The following PBX1 variants were observed in gnomAD, a reference collection of about 807,000 sequenced individuals.
The protein encoded by PBX1 is pre-B-cell leukemia transcription factor 1.
In PBX1, 6 loss-of-function variants were observed where a neutral mutation model predicts 53.4. That is an observed-to-expected ratio of 0.11 (90% CI 0.06 to 0.22). The LOEUF is 0.22. PBX1 is among the 10% of genes least tolerant of loss of function. PBX1 has a pLI of 1.00. For synonymous variants in PBX1, 204 were observed against 212.3 expected (o/e 0.96, Z 0.34); for missense variants, 251 against 551.4 (o/e 0.46, Z 5.46).
intron 2 of PBX1, among the ~76,000 whole-genome samples, chr1:164,868,313 A>G (rs1012024421): frequency 3.3e-5 from 5 of 152,150 alleles, no homozygotes; most frequent in African/African-American, 1.2e-4. Context: ...ACCCCTGACC[A>G]TGCTGTACAT....
intron 2 of PBX1, among the ~76,000 whole-genome samples, chr1:164,588,168 CAG>C (rs1282445900): frequency 6.6e-6 from 1 of 152,082 alleles, no homozygotes; most frequent in Non-Finnish European, 1.5e-5. Flanking sequence ...CAGATGCGGT[CAG>C]AGAGGTTCAC....
chr1:164,789,532 C>T (rs1342294792), intron 2 of PBX1, among the ~76,000 whole-genome samples: 6 of 152,174 alleles, frequency 3.9e-5, no homozygotes, highest in Admixed American at 2.6e-4. Context: ...ATGAATGAGG[C>T]CGCTTGGGGT....
intron 1 of PBX1, among the ~76,000 whole-genome samples, chr1:164,561,713 G>C (rs953624239): frequency 6.6e-6 from 1 of 152,080 alleles, no homozygotes; most frequent in Non-Finnish European, 1.5e-5. Context: ...AGGGCTTGGC[G>C]ACTTCCCCCT....
intron 4 of PBX1, among the ~76,000 whole-genome samples, chr1:164,806,844 G>A (rs1418960754): frequency 6.6e-6 from 1 of 152,198 alleles, no homozygotes; most frequent in African/African-American, 2.4e-5. Flanking sequence ...GCTGAGTGCT[G>A]TCTTTGTGTG....
chr1:164,705,640 A>T (rs1305636901), intron 2 of PBX1, among the ~76,000 whole-genome samples: 1 of 152,224 alleles, frequency 6.6e-6, no homozygotes. Context: ...TTTCACATGC[A>T]TATGCAGAAA....
intron 2 of PBX1, among the ~76,000 whole-genome samples, chr1:164,671,126 G>T (rs188444021): frequency 1.3e-5 from 2 of 151,892 alleles, no homozygotes; most frequent in Non-Finnish European, 2.9e-5. Flanking sequence ...CAGTTATTCT[G>T]CACCGACAGA....
At chr1:164,717,650 C>T (rs564561820) in intron 2 of PBX1, among the ~76,000 whole-genome samples, 11 of 152,242 alleles carry the variant, frequency 7.2e-5, no homozygotes, top group African/African-American at 2.6e-4. Context: ...TCAACATGGA[C>T]CAAGACCTCA....
chr1:164,656,909 G>A (rs968667921), intron 2 of PBX1, among the ~76,000 whole-genome samples: 1 of 152,070 alleles, frequency 6.6e-6, no homozygotes, highest in Admixed American at 6.5e-5. Context: ...TCAAGTGTGA[G>A]TTTATACATG....
At chr1:164,696,640 C>G (rs925749230) in intron 2 of PBX1, among the ~76,000 whole-genome samples, 1 of 152,146 alleles carries the variant, frequency 6.6e-6, no homozygotes, top group Non-Finnish European at 1.5e-5. Context: ...ATAAGGAAAT[C>G]AGGGAAGGGA....
intron 2 of PBX1, among the ~76,000 whole-genome samples, chr1:164,650,785 TTCA>T (rs984705961): frequency 2.0e-4 from 30 of 152,082 alleles, no homozygotes; most frequent in African/African-American, 7.0e-4. Flanking sequence ...TGCTTGAATT[TTCA>T]TCATCATCCT....
At position 164,847,135 on chromosome 1, in the gene PBX1, G is replaced by T; in HGVS notation, c.*459G>T. On this transcript the variant is annotated 3_prime_UTR_variant, in exon 9 of 9. Coordinates refer to ENST00000420696, the MANE Select transcript of PBX1 (RefSeq NM_002585.4). Reference sequence around the variant, plus strand: ...AATCCCTCACTCCCTATGTTAACAGGCAATCCTTCTCTGTTTCTCTTATTA... The same window carrying T: ...AATCCCTCACTCCCTATGTTAACAGTCAATCCTTCTCTGTTTCTCTTATTA... 1 of 1,089,586 alleles carries T rather than the reference G, an allele frequency of 9.2e-7. No homozygotes were observed. Among genetic ancestry groups the T allele is most frequent in the Non-Finnish European group, 1.1e-6 (1 of 891,676 alleles). The allele number at this position is 1,089,586 out of a possible 1,614,324, so 67.5% of individuals were successfully genotyped here. A position where few individuals can be genotyped will look rare whatever the true frequency, so the allele number is the denominator to read the frequency against.
chr1:164,716,280 C>G (rs1185098277), intron 2 of PBX1, among the ~76,000 whole-genome samples: 1 of 152,104 alleles, frequency 6.6e-6, no homozygotes, highest in Non-Finnish European at 1.5e-5. Context: ...CAGAACCTTT[C>G]ATAAACAGTC....
rs185840460 is a variant in PBX1 at position 164,869,158 on chromosome 1, G to A, written n.258-30030G>A. 2.2e-3 allele frequency among the ~76,000 whole-genome samples: 340 copies of A among 152,306 alleles called. 7 individuals are homozygous for A. Among genetic ancestry groups the A allele is most frequent in the Non-Finnish European group, 2.9e-4 (20 of 68,026 alleles). On this transcript the variant is annotated intron_variant and non_coding_transcript_variant, in intron 2 of 2. Coordinates refer to the PBX1 transcript ENST00000558796. ...TGCTAAGGTTTATTTAGAACATTGT[G>A]CAACAGGCTATGGCCATACCACCCT...
intron 2 of PBX1, among the ~76,000 whole-genome samples, chr1:164,588,842 A>G (rs1655148466): frequency 6.6e-6 from 1 of 151,856 alleles, no homozygotes; most frequent in South Asian, 2.1e-4. Flanking sequence ...CGCCCCCACC[A>G]TGCCCTCCTT....
intron 2 of PBX1, chr1:164,563,818 T>G (rs1233200307): frequency 6.5e-6 from 1 of 152,672 alleles, no homozygotes; most frequent in Non-Finnish European, 1.5e-5. Context: ...TATACAACAT[T>G]AGGTTATCGG....
chr1:164,709,293 C>A (rs1031015972), intron 2 of PBX1, among the ~76,000 whole-genome samples: 1 of 152,076 alleles, frequency 6.6e-6, no homozygotes, highest in Admixed American at 6.6e-5. Context: ...GAAGCAGGAC[C>A]GCTGGAGAAA....
intron 3 of PBX1, among the ~76,000 whole-genome samples, chr1:164,793,282 C>A (rs1379481944): frequency 6.6e-6 from 1 of 152,158 alleles, no homozygotes; most frequent in Non-Finnish European, 1.5e-5. Flanking sequence ...CGTATTCCCT[C>A]TTTTACATAA....
intron 1 of PBX1, among the ~76,000 whole-genome samples, chr1:164,561,862 C>T (rs1258409769): frequency 6.6e-6 from 1 of 151,826 alleles, no homozygotes; most frequent in African/African-American, 2.4e-5. Context: ...TTTTTGTTTG[C>T]ATTTGGGCCT....
intron 2 of PBX1, among the ~76,000 whole-genome samples, chr1:164,685,454 G>A (rs1422221804): frequency 2.0e-5 from 3 of 152,140 alleles, no homozygotes; most frequent in Non-Finnish European, 4.4e-5. Context: ...TCCTGTGGTG[G>A]AAGAAATGCA....
Sources: allele counts gnomAD v4.1 joint callset (sites outside exome capture counted in the v4.1 genomes callset), GRCh38; gene constraint gnomAD v4.1.1; transcripts MANE v1.5; gene names NCBI Gene and HGNC (gene_info 2026-07-23, HGNC 2026-07-21).